Variants in ITFG1 observed in about 807,000 individuals in gnomAD.
The protein encoded by ITFG1 is integrin alpha FG-GAP repeat containing 1.
Under a neutral mutation model 81.8 loss-of-function variants are expected in ITFG1, and 34 were observed. The observed-to-expected ratio is 0.42, with a 90% CI of 0.32 to 0.55. The LOEUF is 0.55. Ranked by LOEUF, ITFG1 falls within the 20% of genes least tolerant of loss-of-function variation. The pLI is 0.17. For missense variants in ITFG1, 672 were observed against 755.4 expected (o/e 0.89, Z 1.29); for synonymous variants, 285 against 270.6 (o/e 1.05, Z -0.52).
intron 6 of ITFG1, among the ~76,000 whole-genome samples, chr16:47,409,394 A>ATG (rs1968774849): frequency 6.7e-5 from 1 of 14,894 alleles, no homozygotes; most frequent in African/African-American, 3.2e-4. Context: ...ATATATATAT[A>ATG]TATATATATA....
chr16:47,241,068 TAAAA>T (rs59986645), intron 12 of ITFG1, among the ~76,000 whole-genome samples: 1 of 135,114 alleles, frequency 7.4e-6, no homozygotes, highest in African/African-American at 2.6e-5. Context: ...GTTAAGATGG[TAAAA>T]AAAAAAAAAA....
At chr16:47,356,750 GCATT>G (rs975213348) in intron 8 of ITFG1, among the ~76,000 whole-genome samples, 5 of 152,186 alleles carry the variant, frequency 3.3e-5, no homozygotes, top group Non-Finnish European at 7.3e-5. Context: ...AATGAATGGG[GCATT>G]TACACAGAGT....
At chr16:47,457,002 T>A (rs1208840583) in intron 2 of ITFG1, among the ~76,000 whole-genome samples, 1 of 152,116 alleles carries the variant, frequency 6.6e-6, no homozygotes, top group Non-Finnish European at 1.5e-5. Flanking sequence ...ATCTATTTTT[T>A]AAAAAGCAAT....
chr16:47,222,264 C>T (rs1965700519), intron 13 of ITFG1, among the ~76,000 whole-genome samples: 1 of 151,486 alleles, frequency 6.6e-6, no homozygotes, highest in Admixed American at 6.6e-5. Flanking sequence ...TTGAATGTGT[C>T]CCAGAGATTC....
At chr16:47,406,954 G>C (rs1389230894) in intron 6 of ITFG1, among the ~76,000 whole-genome samples, 1 of 152,154 alleles carries the variant, frequency 6.6e-6, no homozygotes, top group Non-Finnish European at 1.5e-5. Context: ...ACCTTGTCTT[G>C]TATTTAAGAA....
At chr16:47,285,473 G>A (rs1373403328) in intron 10 of ITFG1, among the ~76,000 whole-genome samples, 3 of 152,144 alleles carry the variant, frequency 2.0e-5, no homozygotes, top group Non-Finnish European at 4.4e-5. Context: ...CCAAAGGAGG[G>A]GGTCATGGGA....
intron 14 of ITFG1, among the ~76,000 whole-genome samples, chr16:47,171,117 G>T (rs1964955007): frequency 7.0e-6 from 1 of 142,156 alleles, no homozygotes; most frequent in Non-Finnish European, 1.5e-5. Context: ...CTGCAGCCTT[G>T]AACTCCTGGG....
chr16:47,309,880 A>G (rs979143381), intron 10 of ITFG1, among the ~76,000 whole-genome samples: 2 of 152,266 alleles, frequency 1.3e-5, no homozygotes, highest in Non-Finnish European at 2.9e-5. Context: ...ATGAGTAATC[A>G]CAGGATTAAA....
chr16:47,351,960 A>G (rs1967964521), intron 8 of ITFG1, among the ~76,000 whole-genome samples: 1 of 152,228 alleles, frequency 6.6e-6, no homozygotes, highest in Non-Finnish European at 1.5e-5. Context: ...AAATGGGGAA[A>G]GGATTCCGTA....
intron 6 of ITFG1, chr16:47,426,245 C>A (rs938955762): frequency 1.3e-5 from 2 of 151,866 alleles, no homozygotes; most frequent in African/African-American, 4.8e-5. Context: ...GTAGCAGTAG[C>A]CCTGGTGGCG....
chr16:47,216,317 C>T (rs982956385), intron 14 of ITFG1, among the ~76,000 whole-genome samples: 5 of 152,082 alleles, frequency 3.3e-5, no homozygotes, highest in Non-Finnish European at 5.9e-5. Flanking sequence ...CCCAGCCTCC[C>T]GAAGTAGCTG....
intron 6 of ITFG1, among the ~76,000 whole-genome samples, chr16:47,401,596 G>T (rs1968662308): frequency 6.6e-6 from 1 of 152,192 alleles, no homozygotes; most frequent in Admixed American, 6.5e-5. Flanking sequence ...AGTTCTGGGA[G>T]GTAAGGACTA....
chr16:47,353,113 G>C (rs1967989001), intron 8 of ITFG1, among the ~76,000 whole-genome samples: 1 of 152,046 alleles, frequency 6.6e-6, no homozygotes, highest in African/African-American at 2.4e-5. Context: ...AATGCTAAAT[G>C]ATGAGTTAAT....
chr16:47,325,386 T>G (rs559749833), intron 8 of ITFG1, among the ~76,000 whole-genome samples: 2 of 152,034 alleles, frequency 1.3e-5, no homozygotes, highest in East Asian at 3.9e-4. Flanking sequence ...AGATCTAAAA[T>G]TGACACCCTA....
intron 5 of ITFG1, chr16:47,450,497 C>A: frequency 2.8e-6 from 1 of 351,526 alleles, no homozygotes; most frequent in South Asian, 2.2e-5. Flanking sequence ...AGTGTCTCTT[C>A]AGAATACCTT....
At chr16:47,257,848 A>AGAGAAATGTCTGATTCCTTG (rs1286913488) in intron 12 of ITFG1, among the ~76,000 whole-genome samples, 1 of 152,212 alleles carries the variant, frequency 6.6e-6, no homozygotes, top group Non-Finnish European at 1.5e-5. Flanking sequence ...CTACTAAAAG[A>AGAGAAATGTCTGATTCCTTG]GAGAAATGTC....
At chr16:47,289,727 C>T (rs1403212268) in intron 10 of ITFG1, among the ~76,000 whole-genome samples, 5 of 151,638 alleles carry the variant, frequency 3.3e-5, no homozygotes, top group African/African-American at 9.7e-5. Context: ...TTTATTGGGG[C>T]CTTTCCTCTT....
At chr16:47,257,176 G>A (rs1254212868) in intron 12 of ITFG1, among the ~76,000 whole-genome samples, 1 of 152,092 alleles carries the variant, frequency 6.6e-6, no homozygotes, top group Non-Finnish European at 1.5e-5. Context: ...AAAAGACATA[G>A]GGATTAGAAA....
At chr16:47,420,988 C>T (rs1270671138) in intron 6 of ITFG1, among the ~76,000 whole-genome samples, 1 of 152,058 alleles carries the variant, frequency 6.6e-6, no homozygotes, top group East Asian at 1.9e-4. Flanking sequence ...CTGAATTGTT[C>T]TCCTTATTAT....
Sources: gnomAD v4.1 joint callset for allele counts (sites outside exome capture counted in the v4.1 genomes callset) on GRCh38, gnomAD v4.1.1 for gene constraint, MANE v1.5 for transcripts, NCBI Gene and HGNC (gene_info 2026-07-23, HGNC 2026-07-21) for gene names.